Variants in CNTNAP4 observed in about 807,000 individuals in gnomAD.
CNTNAP4 encodes the protein contactin-associated protein-like 4.
CNTNAP4 carries 98 observed loss-of-function variants against 148.4 expected under a neutral mutation model. The ratio of observed to expected loss-of-function variants is 0.66; its 90% confidence interval spans 0.56 to 0.78. The LOEUF (loss-of-function observed/expected upper bound fraction) is 0.78, where lower values mean the gene tolerates loss of function less well. Ranked by LOEUF, CNTNAP4 falls within the 30% of genes least tolerant of loss-of-function variation. The pLI, the probability that CNTNAP4 is intolerant of heterozygous loss-of-function variation, is 0.00. For missense variants in CNTNAP4, 1,935 were observed against 1,565.6 expected (o/e 1.24, Z -3.98); for synonymous variants, 730 against 565.1 (o/e 1.29, Z -4.14).
chr16:76,401,812 G>C (rs2078427661), intron 3 of CNTNAP4, among the ~76,000 whole-genome samples: 2 of 152,030 alleles, frequency 1.3e-5, no homozygotes, highest in South Asian at 4.1e-4. Flanking sequence ...TGTGATTTTT[G>C]TCTTTAGTTC....
intron 15 of CNTNAP4, among the ~76,000 whole-genome samples, chr16:76,509,562 A>G (rs1597779483): frequency 1.0e-5 from 1 of 97,982 alleles, no homozygotes; most frequent in African/African-American, 2.6e-5. Context: ...TAAACTTACA[A>G]AAAAAGATTA....
At chr16:76,479,674 A>C in intron 12 of CNTNAP4, 136 bp downstream of exon 12, 1 of 834,262 alleles carries the variant, frequency 1.2e-6, no homozygotes. Flanking sequence ...GAAAAACTGA[A>C]CATAAATCTT....
intron 2 of CNTNAP4, among the ~76,000 whole-genome samples, chr16:76,331,482 C>T (rs1242971846): frequency 6.6e-6 from 1 of 151,002 alleles, no homozygotes; most frequent in African/African-American, 2.4e-5. Context: ...GCTACCACGG[C>T]CGGCCTGTTT....
At chr16:76,304,249 CA>C (rs1287245074) in intron 1 of CNTNAP4, among the ~76,000 whole-genome samples, 1 of 152,122 alleles carries the variant, frequency 6.6e-6, no homozygotes, top group Non-Finnish European at 1.5e-5. Context: ...CTTGAACCCA[CA>C]GAGGAGGCTT....
chr16:76,380,606 A>G (rs2015871620), intron 3 of CNTNAP4, among the ~76,000 whole-genome samples: 1 of 152,218 alleles, frequency 6.6e-6, no homozygotes, highest in Non-Finnish European at 1.5e-5. Flanking sequence ...GTTTGAAACT[A>G]AATGTGATCG....
chr16:76,433,446 A>G (rs1055528912), intron 4 of CNTNAP4, among the ~76,000 whole-genome samples: 1 of 152,188 alleles, frequency 6.6e-6, no homozygotes, highest in African/African-American at 2.4e-5. Flanking sequence ...TAACTTGCAC[A>G]TAATAGGAAT....
At chr16:76,298,482 A>ATGTG (rs1491431951) in intron 1 of CNTNAP4, among the ~76,000 whole-genome samples, 60 of 125,766 alleles carry the variant, frequency 4.8e-4, no homozygotes, top group African/African-American at 2.2e-3. Flanking sequence ...ATGTGTGTAC[A>ATGTG]TGTATGTGTG....
At position 76,431,627 on chromosome 16, in the gene CNTNAP4, C is replaced by G. The variant is rs555985577; in HGVS notation, c.538+4028C>G. Among the ~76,000 whole-genome samples the G allele has an allele frequency of 1.8e-3, 281 of 152,172 alleles. 1 individual carries two copies. Among genetic ancestry groups the G allele is most frequent in the African/African-American group, 6.4e-3 (266 of 41,538 alleles). On this transcript the variant is annotated intron_variant, in intron 4 of 23. Transcript: ENST00000611870. ...CCAGGAAGTGGAGGTTGCAGTGAAC[C>G]GAAATCATCCCACTGCACTTCAGCC... is the stretch of plus-strand genomic sequence containing the variant.
At chr16:76,326,882 T>C (rs1379797699) in intron 2 of CNTNAP4, among the ~76,000 whole-genome samples, 1 of 151,902 alleles carries the variant, frequency 6.6e-6, no homozygotes, top group Admixed American at 6.6e-5. Context: ...CACACCAACA[T>C]GGCACATGTA....
At chr16:76,280,979 C>T (rs1293090360) in intron 1 of CNTNAP4, among the ~76,000 whole-genome samples, 1 of 152,016 alleles carries the variant, frequency 6.6e-6, no homozygotes, top group Non-Finnish European at 1.5e-5. Context: ...TATACTGAGC[C>T]GTACTCTTGA....
At chr16:76,374,754 T>TATTAG (rs1567908661) in intron 3 of CNTNAP4, among the ~76,000 whole-genome samples, 12 of 143,776 alleles carry the variant, frequency 8.3e-5, no homozygotes, top group African/African-American at 2.9e-4. Flanking sequence ...ATTATTATTA[T>TATTAG]TATTATTATT....
At chr16:76,346,071 AAAAT>A (rs1389544405) in intron 2 of CNTNAP4, among the ~76,000 whole-genome samples, 1 of 152,162 alleles carries the variant, frequency 6.6e-6, no homozygotes, top group African/African-American at 2.4e-5. Flanking sequence ...TCTGTTGTTT[AAAAT>A]AAATAAATAA....
intron 3 of CNTNAP4, among the ~76,000 whole-genome samples, chr16:76,378,706 C>T (rs957556800): frequency 2.6e-5 from 4 of 152,192 alleles, no homozygotes; most frequent in African/African-American, 9.6e-5. Context: ...TTTCTAGGTG[C>T]ATCTCACATA....
At chr16:76,520,872 G>A (rs986076944) in intron 15 of CNTNAP4, among the ~76,000 whole-genome samples, 3 of 152,024 alleles carry the variant, frequency 2.0e-5, no homozygotes, top group African/African-American at 7.3e-5. Context: ...TATTTGTTCC[G>A]TATAAAATAT....
intron 3 of CNTNAP4, among the ~76,000 whole-genome samples, chr16:76,405,508 T>A (rs1387782581): frequency 6.6e-6 from 1 of 152,212 alleles, no homozygotes; most frequent in African/African-American, 2.4e-5. Context: ...ATTTTGTATA[T>A]GAGTTATATA....
intron 8 of CNTNAP4, among the ~76,000 whole-genome samples, chr16:76,453,924 TTAA>T (rs1472225381): frequency 6.6e-6 from 1 of 152,106 alleles, no homozygotes; most frequent in Non-Finnish European, 1.5e-5. Flanking sequence ...GAGTCTCATA[TTAA>T]TAATTAATAG....
chr16:76,325,268 A>T (rs1309271055), intron 2 of CNTNAP4, among the ~76,000 whole-genome samples: 1 of 152,156 alleles, frequency 6.6e-6, no homozygotes, highest in African/African-American at 2.4e-5. Context: ...AAAATATGTA[A>T]TGTATATTTA....
intron 2 of CNTNAP4, among the ~76,000 whole-genome samples, chr16:76,337,540 A>G (rs547357574): frequency 9.2e-5 from 14 of 152,284 alleles, no homozygotes; most frequent in African/African-American, 3.1e-4. Context: ...ATCACAAGGC[A>G]GAGGGTGAAA....
intron 8 of CNTNAP4, among the ~76,000 whole-genome samples, chr16:76,455,781 C>G (rs1292747515): frequency 6.6e-6 from 1 of 152,202 alleles, no homozygotes; most frequent in Admixed American, 6.5e-5. Flanking sequence ...TTGCTGAACT[C>G]CTACCCTATA....
Sources: allele counts gnomAD v4.1 joint callset (sites outside exome capture counted in the v4.1 genomes callset), GRCh38; gene constraint gnomAD v4.1.1; transcripts MANE v1.5; gene names NCBI Gene and HGNC (gene_info 2026-07-23, HGNC 2026-07-21).